Variants in ITGAV observed in about 807,000 individuals in gnomAD.
The protein encoded by ITGAV is integrin subunit alpha V, also known as integrin alpha-V.
ITGAV carries 76 observed loss-of-function variants against 143.8 expected under a neutral mutation model. The ratio of observed to expected loss-of-function variants is 0.53; its 90% CI spans 0.44 to 0.64. ITGAV has a LOEUF of 0.64. Among genes scored for constraint, ITGAV ranks in the 30% least tolerant of loss-of-function variants. The pLI is 0.00. For synonymous variants in ITGAV, 453 were observed against 446.7 expected, an observed-to-expected ratio of 1.01 and a Z score of -0.18; for missense variants, 1,193 against 1,274.7, an observed-to-expected ratio of 0.94 and a Z score of 0.98.
chr2:186,609,058 G>C (rs1216251462), intron 2 of ITGAV, among the ~76,000 whole-genome samples: 2 of 152,146 alleles, frequency 1.3e-5, no homozygotes, highest in East Asian at 3.9e-4. Context: ...TCTCATATCT[G>C]TGAAAGACCT....
chr2:186,610,363 G>T (rs1297700127), intron 2 of ITGAV, among the ~76,000 whole-genome samples: 1 of 152,066 alleles, frequency 6.6e-6, no homozygotes, highest in Non-Finnish European at 1.5e-5. Context: ...TCCAAAATGT[G>T]CTGCCCTGTT....
At chr2:186,627,958 C>T (rs539166385) in intron 4 of ITGAV, among the ~76,000 whole-genome samples, 1 of 152,178 alleles carries the variant, frequency 6.6e-6, no homozygotes, top group African/African-American at 2.4e-5. Context: ...TGTTAAGCCA[C>T]CTATAATAGG....
Position 186,648,816 on chromosome 2 carries a change from A to G in ITGAV, c.1352-1024A>G, listed in dbSNP as rs1228559141. Among the ~76,000 whole-genome samples the G allele has an allele frequency of 2.0e-5, 3 of 152,128 alleles. No homozygotes were observed. In the South Asian group the frequency reaches 6.2e-4, roughly 32 times the overall value. ...CCATCAGGTTGATTCTTAACTATAC[A>G]TAAATAAAAATGATTATTTTTACTA... On this transcript the variant is annotated intron_variant, in intron 13 of 29. Transcript: ENST00000261023.
chr2:186,652,931 A>ATTTTTTTTTTT (rs35139936), intron 15 of ITGAV, among the ~76,000 whole-genome samples: 2 of 82,424 alleles, frequency 2.4e-5, no homozygotes, highest in Admixed American at 1.8e-4. Flanking sequence ...TTCATTATAG[A>ATTTTTTTTTTT]TTTTTTTTTT....
At chr2:186,666,845 C>A in intron 22 of ITGAV, 62 bp downstream of exon 22, 1 of 841,862 alleles carries the variant, frequency 1.2e-6, no homozygotes, top group Non-Finnish European at 1.8e-6. Flanking sequence ...TGTAAATATA[C>A]TATGTAATAT....
chr2:186,624,728 A>G (rs1011722073), intron 3 of ITGAV, among the ~76,000 whole-genome samples: 1 of 152,196 alleles, frequency 6.6e-6, no homozygotes, highest in Non-Finnish European at 1.5e-5. Context: ...ATTACAGTCT[A>G]GAATGCTGAA....
chr2:186,633,229 G>A (rs2105700664), intron 5 of ITGAV, 100 bp from the exon 6 acceptor site: 1 of 591,412 alleles, frequency 1.7e-6, no homozygotes, highest in South Asian at 2.5e-5. Context: ...GTTCAGTCAT[G>A]TATACATATA....
chr2:186,644,473 C>T (rs555174772), intron 12 of ITGAV, among the ~76,000 whole-genome samples: 2 of 151,826 alleles, frequency 1.3e-5, no homozygotes, highest in South Asian at 4.2e-4. Flanking sequence ...CTACAGGCAC[C>T]CACCACCATG....
intron 26 of ITGAV, among the ~76,000 whole-genome samples, chr2:186,673,093 G>T (rs959348408): frequency 2.0e-5 from 3 of 152,208 alleles, no homozygotes; most frequent in Non-Finnish European, 4.4e-5. Flanking sequence ...GTTAATTTAT[G>T]TGTATGGTGT....
At chr2:186,646,073 A>T in intron 12 of ITGAV, among the ~76,000 whole-genome samples, 1 of 152,202 alleles carries the variant, frequency 6.6e-6, no homozygotes, top group East Asian at 1.9e-4. Flanking sequence ...AAGTGGGCAG[A>T]TTGGTAATAC....
At chr2:186,615,744 C>T (rs566274766) in intron 2 of ITGAV, among the ~76,000 whole-genome samples, 1 of 151,080 alleles carries the variant, frequency 6.6e-6, no homozygotes, top group Non-Finnish European at 1.5e-5. Context: ...CAAGTAATTT[C>T]CCCAGTTTTG....
At position 186,676,849 on chromosome 2, in the gene ITGAV, C is replaced by A. The variant is rs1394014584; in HGVS notation, c.2965C>A (p.Pro989Thr). 1.2e-6 allele frequency: 2 copies of A among 1,614,074 alleles called. No homozygotes were observed. Among genetic ancestry groups the A allele is most frequent in the Non-Finnish European group, 1.7e-6 (2 of 1,179,960 alleles). ...TNVTWGIQPA[P>T]MPVPVWVIIL... ...TGTCACCTGGGGCATTCAGCCAGCGCCCATGCCTGTGCCTGTGTGGGTGAT... is the reference window on the plus strand; with the variant it reads ...TGTCACCTGGGGCATTCAGCCAGCGACCATGCCTGTGCCTGTGTGGGTGAT... Residue 989 changes from proline (P) to threonine (T), a missense_variant, in exon 29 of 30, where the codon CCC (proline) becomes ACC (threonine). Physicochemically the swap from Pro to Thr is conservative, Grantham distance 38 (BLOSUM62 -1). Transcript: ENST00000261023.
intron 24 of ITGAV, chr2:186,668,028 A>G: frequency 4.9e-6 from 1 of 203,192 alleles, no homozygotes; most frequent in Non-Finnish European, 9.7e-6. Flanking sequence ...GAATAAAGAA[A>G]TGTCATTGGT....
intron 10 of ITGAV, among the ~76,000 whole-genome samples, 166 bp downstream of exon 10, chr2:186,638,631 CGTGTGTGTGTGTGTGTGTGTGTGT>C: frequency 6.9e-6 from 1 of 144,794 alleles, no homozygotes; most frequent in East Asian, 2.0e-4. Flanking sequence ...CTCTTTTGAG[CGTGTGTGTGTGTGTGTGTGTGTGT>C]GTGTGTGTGT....
intron 1 of ITGAV, among the ~76,000 whole-genome samples, chr2:186,592,435 A>G (rs1047835989): frequency 6.6e-6 from 1 of 152,222 alleles, no homozygotes; most frequent in African/African-American, 2.4e-5. Context: ...TGTCTCAGAA[A>G]CAAAAACAAA....
At chr2:186,669,675 C>A (rs1053333285) in intron 25 of ITGAV, 26 bp from the exon 26 acceptor site, 1 of 1,459,704 alleles carries the variant, frequency 6.9e-7, no homozygotes, top group Non-Finnish European at 9.5e-7. Context: ...TCATTTACCA[C>A]CATTTTATTA....
intron 2 of ITGAV, among the ~76,000 whole-genome samples, chr2:186,602,676 G>A (rs1284613134): frequency 1.3e-5 from 2 of 151,902 alleles, no homozygotes; most frequent in African/African-American, 4.8e-5. Context: ...CAGGAGTTCC[G>A]GACCAGCCTG....
intron 2 of ITGAV, among the ~76,000 whole-genome samples, chr2:186,610,966 A>C (rs1027263744): frequency 6.6e-6 from 1 of 152,134 alleles, no homozygotes; most frequent in Non-Finnish European, 1.5e-5. Flanking sequence ...ACCAAAGATA[A>C]CACATCTGTT....
chr2:186,656,747 G>A (rs1688600871), intron 17 of ITGAV, among the ~76,000 whole-genome samples: 1 of 152,148 alleles, frequency 6.6e-6, no homozygotes, highest in Admixed American at 6.5e-5. Context: ...TGAATTGTGA[G>A]TTATAAGCAA....
Sources: allele counts gnomAD v4.1 joint callset (sites outside exome capture counted in the v4.1 genomes callset), GRCh38; gene constraint gnomAD v4.1.1; transcripts MANE v1.5; gene names NCBI Gene and HGNC (gene_info 2026-07-23, HGNC 2026-07-21).